DNAI2: variants seen among roughly 807,000 people sequenced by gnomAD.
DNAI2 encodes dynein, axonemal, intermediate polypeptide 2.
A neutral mutation model predicts 74.7 loss-of-function variants in DNAI2; 63 were observed. The observed-to-expected ratio is 0.84, with a 90% CI of 0.69 to 1.04. DNAI2 has a LOEUF of 1.04. DNAI2 is among the 50% of genes least tolerant of loss of function. DNAI2 has a pLI of 0.00. For synonymous variants in DNAI2, 289 were observed against 314.9 expected (o/e 0.92, Z 0.87); for missense variants, 688 against 803.2 (o/e 0.86, Z 1.73).
chr17:74,299,235 C>T (rs935688489), intron 6 of DNAI2, among the ~76,000 whole-genome samples: 1 of 152,134 alleles, frequency 6.6e-6, no homozygotes, highest in Non-Finnish European at 1.5e-5. Context: ...AGCAGAGGTA[C>T]AAAGGATAAG....
chr17:74,310,235 C>T lies in DNAI2; in HGVS notation c.1494+72C>T, dbSNP rs184103881. The T allele has an allele frequency of 7.7e-4, 1,193 of 1,558,602 alleles. 18 individuals are homozygous for T. In the East Asian group the frequency reaches 0.024, roughly 31 times the overall value. ...TGGCCCCACAGCAGAGCAGGCTAGT[C>T]AGACAAATAGATGGCCCCGCCCTCC... is the stretch of plus-strand genomic sequence containing the variant. On this transcript the variant is annotated intron_variant, in intron 11 of 13. Transcript: ENST00000311014.
rs751933779 is a variant in DNAI2 at position 74,286,972 on chromosome 17, C to T, written c.346-5C>T. On this transcript the variant is annotated splice_region_variant and splice_polypyrimidine_tract_variant and intron_variant, in intron 3 of 13. Transcript: ENST00000311014. ...TGCGGAGAACTTCCAATGTGTCCCC[C>T]CTAGATCATGGAGCACTGCATCAAG... 1.4e-5 allele frequency: 23 copies of T among 1,613,654 alleles called. No individual in the cohort carries two copies. Among genetic ancestry groups the T allele is most frequent in the South Asian group, 9.9e-5 (9 of 91,072 alleles).
At chr17:74,281,701 C>T in intron 1 of DNAI2, 106 bp from the exon 2 acceptor site, 1 of 1,149,798 alleles carries the variant, frequency 8.7e-7, no homozygotes, top group Non-Finnish European at 1.3e-6. Flanking sequence ...CCCCTTGCTT[C>T]CTGCCCCAAC....
chr17:74,283,781 A>G (rs1275285091), intron 2 of DNAI2, among the ~76,000 whole-genome samples: 2 of 151,940 alleles, frequency 1.3e-5, no homozygotes, highest in Admixed American at 6.6e-5. Context: ...GTGTGGTGGT[A>G]CATGCCTGTA....
At chr17:74,302,342 C>T (rs377168200) in intron 8 of DNAI2, among the ~76,000 whole-genome samples, 4 of 152,018 alleles carry the variant, frequency 2.6e-5, no homozygotes, top group Admixed American at 6.5e-5. Context: ...CCAAGGCGGG[C>T]GGATCACCTG....
At position 74,299,793 on chromosome 17, in the gene DNAI2, A is replaced by G. The variant is rs750277765; in HGVS notation, c.800A>G (p.Tyr267Cys). 1.2e-6 allele frequency: 2 copies of G among 1,613,414 alleles called. No homozygotes were observed. The highest frequency in any genetic ancestry group is 2.2e-5 in the South Asian group (2 of 91,056). The part of the protein sequence containing the change: ...TIESSHRDPV[Y>C]GTIWLQSKTG... ...GAGTCCAGCCACCGAGACCCTGTGT[A>G]TGGCACCATCTGGCTGCAGTCGAAG... is the stretch of plus-strand genomic sequence containing the variant. The change falls in exon 7 of 14, where the codon TAT becomes TGT. Residue 267 changes from tyrosine to cysteine, a missense_variant. Transcript: ENST00000311014.
chr17:74,298,119 C>T (rs553289670), intron 6 of DNAI2, among the ~76,000 whole-genome samples: 1 of 151,396 alleles, frequency 6.6e-6, no homozygotes, highest in African/African-American at 2.4e-5. Flanking sequence ...AATTCAAGAG[C>T]CTTGACTCAG....
At chr17:74,305,737 T>A (rs527511075) in intron 9 of DNAI2, among the ~76,000 whole-genome samples, 3 of 149,284 alleles carry the variant, frequency 2.0e-5, no homozygotes, top group South Asian at 2.2e-4. Context: ...AGTGGCGTGA[T>A]CTCGGCTCAC....
At position 74,285,202 on chromosome 17, in the gene DNAI2, G is replaced by T. The variant is rs1373491088; in HGVS notation, c.345+1G>T. 6.2e-7 allele frequency: 1 copy of T among 1,613,982 alleles called. No homozygotes were observed. The highest frequency in any genetic ancestry group is 1.7e-5 in the Admixed American group (1 of 59,978). ...TAACGCCATCATGCAGCTCGGCTCT[G>T]TAAGGCTTCCTCCTGCCCCAGCTGC... On this transcript the variant is annotated splice_donor_variant, in intron 3 of 13. Coordinates refer to ENST00000311014, the MANE Select transcript of DNAI2 (RefSeq NM_023036.6). LOFTEE classifies it high-confidence loss of function.
At chr17:74,279,123 T>C (rs7223470) in intron 1 of DNAI2, among the ~76,000 whole-genome samples, 70,043 of 151,914 alleles carry the variant, frequency 0.46, 16,677 homozygotes, top group East Asian at 0.78. Context: ...GCTGAGATCG[T>C]GCCACTGCAC....
At position 74,299,799 on chromosome 17, in the gene DNAI2, C is replaced by T; in HGVS notation, c.806C>T (p.Thr269Ile). The T allele has an allele frequency of 6.2e-7, 1 of 1,613,590 alleles. No individual in the cohort carries two copies. Among genetic ancestry groups the T allele is most frequent in the South Asian group, 1.1e-5 (1 of 91,068 alleles). Residue 269 changes from threonine to isoleucine, a missense_variant, in exon 7 of 14, where the codon ACC becomes ATC. Thr to Ile is a moderately conservative substitution (Grantham distance 89, BLOSUM62 -1). Transcript: ENST00000311014. ...ESSHRDPVYG[T>I]IWLQSKTGTE... The stretch of plus-strand genomic sequence containing the variant: ...AGCCACCGAGACCCTGTGTATGGCA[C>T]CATCTGGCTGCAGTCGAAGACGGGC...
At position 74,299,828 on chromosome 17, in the gene DNAI2, G is replaced by A. The variant is rs746323026; in HGVS notation, c.835G>A (p.Glu279Lys). ...TIWLQSKTGT[E>K]CFSASTDGQV... is the part of the protein sequence containing the mutation. Reference sequence around the variant, plus strand: ...CTGGCTGCAGTCGAAGACGGGCACCGAGTGCTTCTCAGCTTCCACGGATGG... The same window carrying A: ...CTGGCTGCAGTCGAAGACGGGCACCAAGTGCTTCTCAGCTTCCACGGATGG... The change falls in exon 7 of 14, where the codon GAG becomes AAG. Residue 279 changes from glutamate (E) to lysine (K), a missense_variant. Transcript: ENST00000311014. 5.0e-6 allele frequency: 8 copies of A among 1,613,468 alleles called. No homozygotes were observed. In the Admixed American group the frequency reaches 5.0e-5, roughly 10 times the overall value.
intron 2 of DNAI2, among the ~76,000 whole-genome samples, chr17:74,284,125 C>T (rs1323799622): frequency 3.7e-5 from 5 of 135,630 alleles, no homozygotes; most frequent in Middle Eastern, 4.1e-3. Flanking sequence ...GCAACAAGAG[C>T]GAAACTCCTT....
chr17:74,307,966 T>A (rs1169089778), intron 9 of DNAI2, among the ~76,000 whole-genome samples: 1 of 151,962 alleles, frequency 6.6e-6, no homozygotes, highest in Non-Finnish European at 1.5e-5. Context: ...CCTGGATAAT[T>A]TTTTTATTTT....
rs555938890 is a variant in DNAI2, at chr17:74,312,000, C to T, written c.1495-3C>T. The T allele has an allele frequency of 4.3e-6, 7 of 1,611,346 alleles. No individual in the cohort carries two copies. The East Asian group carries it at 1.3e-4, about 31-fold the overall frequency. ...CGGGCTCTCTCTGTCCCTGGGTGCC[C>T]AGATGTTTGAGCGTGAGACCCGGCG... On this transcript the variant is annotated splice_region_variant and splice_polypyrimidine_tract_variant and intron_variant, in intron 11 of 13. Transcript: ENST00000311014.
chr17:74,284,003 T>C (rs1178874526), intron 2 of DNAI2, among the ~76,000 whole-genome samples: 1 of 152,054 alleles, frequency 6.6e-6, no homozygotes, highest in African/African-American at 2.4e-5. Flanking sequence ...CCGGCCATGA[T>C]GGCGAGCACC....
At chr17:74,279,409 T>C (rs77145463) in intron 1 of DNAI2, among the ~76,000 whole-genome samples, 2,849 of 152,268 alleles carry the variant, frequency 0.019, 93 homozygotes, top group African/African-American at 0.064. Flanking sequence ...TTGTATATTG[T>C]ATATTGCATG....
At chr17:74,282,062 G>T in intron 2 of DNAI2, 62 bp downstream of exon 2, 1 of 1,597,252 alleles carries the variant, frequency 6.3e-7, no homozygotes. Flanking sequence ...GGCCAGCTGG[G>T]GCCGGTGAGT....
chr17:74,305,351 C>T lies in DNAI2; in HGVS notation c.1120C>T (p.Pro374Ser), dbSNP rs923511782. The T allele has an allele frequency of 1.2e-6, 2 of 1,614,186 alleles. No individual in the cohort carries two copies. The highest frequency in any genetic ancestry group is 2.2e-5 in the East Asian group (1 of 44,856). Reference protein sequence around the residue: ...HGPIYALQRNPFYPKNFLTVG... With the variant: ...HGPIYALQRNSFYPKNFLTVG... ...CCCCATCTACGCCCTCCAGAGAAAC[C>T]CCTTCTACCCGAAGAACTTCCTGAC... The change falls in exon 9 of 14, where the codon CCC (proline) becomes TCC (serine). Residue 374 changes from proline (P) to serine (S), a missense_variant. Transcript: ENST00000311014.
Sources: allele counts gnomAD v4.1 joint callset (sites outside exome capture counted in the v4.1 genomes callset), GRCh38; gene constraint gnomAD v4.1.1; transcripts MANE v1.5; gene names NCBI Gene and HGNC (gene_info 2026-07-23, HGNC 2026-07-21).